The following ALG13 variants were observed in gnomAD, a reference collection of about 807,000 sequenced individuals.
The protein encoded by ALG13 is UDP-N-acetylglucosamine transferase subunit ALG13.
Under a neutral mutation model 87.8 loss-of-function variants are expected in ALG13, and 11 were observed. The ratio of observed to expected loss-of-function variants is 0.13; its 90% confidence interval spans 0.08 to 0.21. ALG13 has a LOEUF of 0.21. Among genes scored for constraint, ALG13 ranks in the 10% least tolerant of loss-of-function variants. The pLI, the probability that ALG13 is intolerant of heterozygous loss-of-function variation, is 1.00. For missense variants in ALG13, 756 were observed against 866.1 expected (o/e 0.87, Z 1.60); for synonymous variants, 320 against 306.3 (o/e 1.04, Z -0.47).
intron 24 of ALG13, among the ~76,000 whole-genome samples, chrX:111,749,849 T>G (rs1048449500): frequency 9.0e-6 from 1 of 111,730 alleles, no homozygotes; most frequent in Non-Finnish European, 1.9e-5. Flanking sequence ...TTTCACAGAG[T>G]GTTTTTAAAA....
Position 111,681,268 on chromosome X carries a change from T to C in ALG13, c.50T>C (p.Ile17Thr). The change falls in exon 1 of 27, where the codon ATT becomes ACT. Residue 17 changes from isoleucine to threonine, a missense_variant. Physicochemically the swap from Ile to Thr is moderately conservative, Grantham distance 89. Coordinates refer to ENST00000394780, the MANE Select transcript of ALG13 (RefSeq NM_001099922.3). ...TVGTTSFDDL[I>T]ACVSAPDSLQ... ...GGGACCACCAGCTTTGACGACCTCATTGCGTGTGTGTCGGCGCCCGACAGT... is the reference window on the plus strand; with the variant it reads ...GGGACCACCAGCTTTGACGACCTCACTGCGTGTGTGTCGGCGCCCGACAGT... 1.6e-6 allele frequency: 2 copies of C among 1,212,321 alleles called. No individual in the cohort carries two copies. Among genetic ancestry groups the C allele is most frequent in the Non-Finnish European group, 2.2e-6 (2 of 895,548 alleles).
In ALG13 at chrX:111,749,945, C is replaced by G. The variant is rs147356892; in HGVS notation, c.2933-2845C>G. Among the ~76,000 whole-genome samples, 522 of 111,581 alleles carry G rather than the reference C, an allele frequency of 4.7e-3. 4 individuals are homozygous for G. The highest frequency in any genetic ancestry group is 7.6e-3 in the Non-Finnish European group (403 of 53,134). On this transcript the variant is annotated intron_variant, in intron 24 of 26. Transcript: ENST00000394780. Reference sequence around the variant, plus strand: ...TAGCTTCTCCATTGGTCTCACTGCTCTGGTACTATTCCACTTTGTGTCTGT... The same window carrying G: ...TAGCTTCTCCATTGGTCTCACTGCTGTGGTACTATTCCACTTTGTGTCTGT...
At chrX:111,682,654 C>T (rs1366766690) in intron 2 of ALG13, among the ~76,000 whole-genome samples, 1 of 111,887 alleles carries the variant, frequency 8.9e-6, no homozygotes, top group Non-Finnish European at 1.9e-5. Context: ...TCCACCTTTA[C>T]AATAAAAAAC....
intron 5 of ALG13, among the ~76,000 whole-genome samples, chrX:111,710,817 C>A (rs1443166999): frequency 8.9e-6 from 1 of 111,777 alleles, no homozygotes; most frequent in African/African-American, 3.3e-5. Flanking sequence ...CTGCCTCAGC[C>A]TCCCAAGTAG....
At chrX:111,746,081 C>T (rs1035437753) in intron 24 of ALG13, among the ~76,000 whole-genome samples, 1 of 111,682 alleles carries the variant, frequency 9.0e-6, no homozygotes. Context: ...ATTAATCCAT[C>T]TTCTTTTTGA....
At chrX:111,685,337 G>C in intron 3 of ALG13, 1 of 332,701 alleles carries the variant, frequency 3.0e-6, no homozygotes, top group Non-Finnish European at 5.2e-6. Flanking sequence ...GAATATCTGA[G>C]AGAGTGTGTG....
Position 111,713,232 on chromosome X carries a change from T to G in ALG13, c.940T>G (p.Phe314Val), listed in dbSNP as rs1300758946. 8.4e-7 allele frequency: 1 copy of G among 1,192,951 alleles called. No individual in the cohort carries two copies. The highest frequency in any genetic ancestry group is 1.1e-6 in the Non-Finnish European group (1 of 881,398). Reference protein sequence around the residue: ...RALSLIYNRDFILYRFPGKPP... With the variant: ...RALSLIYNRDVILYRFPGKPP... ...TTTGTTTTCCCCATATAGTCGGGAT[T>G]TCATTCTTTATCGCTTTCCTGGAAA... is the stretch of plus-strand genomic sequence containing the variant. Residue 314 changes from phenylalanine to valine, a missense_variant, in exon 8 of 27, where the codon TTC becomes GTC. Coordinates refer to ENST00000394780, the MANE Select transcript of ALG13 (RefSeq NM_001099922.3).
At chrX:111,754,437 G>GAGAA (rs754310248) in intron 25 of ALG13, among the ~76,000 whole-genome samples, 3 of 111,595 alleles carry the variant, frequency 2.7e-5, no homozygotes, top group Admixed American at 9.6e-5. Context: ...AGTCAGGTAA[G>GAGAA]AGAAAGAAAG....
At chrX:111,698,943 C>G (rs1405974402) in intron 3 of ALG13, among the ~76,000 whole-genome samples, 1 of 111,399 alleles carries the variant, frequency 9.0e-6, no homozygotes, top group African/African-American at 3.3e-5. Context: ...ATACTGTTTT[C>G]TATAATGGCT....
rs139631003 is a variant in ALG13 at position 111,686,132 on chromosome X, A to G, written c.383+1029A>G. 1,262 of 1,116,505 alleles carry G rather than the reference A, an allele frequency of 1.1e-3. 5 individuals are homozygous for G. In the African/African-American group the frequency reaches 0.019, roughly 17 times the overall value. 92.0% of individuals were successfully genotyped at this position (1,116,505 alleles called of 1,213,427 possible). A position where few individuals can be genotyped will look rare whatever the true frequency, so the allele number is the denominator to read the frequency against. On this transcript the variant is annotated intron_variant, in intron 3 of 26. Coordinates refer to ENST00000394780, the MANE Select transcript of ALG13 (RefSeq NM_001099922.3). The stretch of plus-strand genomic sequence containing the variant: ...GAAGAAAATTACTTGTTTGTTTTCT[A>G]TTAGTTCTTCCTTGAGACACTAGAA...
intron 3 of ALG13, among the ~76,000 whole-genome samples, chrX:111,701,838 A>G (rs1336455925): frequency 1.8e-5 from 2 of 111,002 alleles, no homozygotes; most frequent in African/African-American, 6.5e-5. Context: ...TTTTTGTTAC[A>G]TCCTGTAAGT....
intron 15 of ALG13, among the ~76,000 whole-genome samples, chrX:111,726,253 T>TTTTTA (rs1293149630): frequency 2.1e-5 from 2 of 94,003 alleles, no homozygotes; most frequent in African/African-American, 9.5e-5. Context: ...TTTTTTTTTT[T>TTTTTA]GAGACAGTCT....
At chrX:111,685,870 T>C (rs1300513707) in intron 3 of ALG13, among the ~76,000 whole-genome samples, 1 of 111,786 alleles carries the variant, frequency 8.9e-6, no homozygotes, top group Non-Finnish European at 1.9e-5. Flanking sequence ...AGGAATGAAC[T>C]TGGAGCTTGG....
intron 3 of ALG13, among the ~76,000 whole-genome samples, chrX:111,702,822 G>A (rs1476930192): frequency 3.6e-5 from 4 of 110,080 alleles, no homozygotes; most frequent in African/African-American, 6.6e-5. Context: ...TCTGAGAAAG[G>A]GTGGCAACAT....
In ALG13 at chrX:111,689,552, T is replaced by G. The variant is rs1935761834; in HGVS notation, c.383+4449T>G. On this transcript the variant is annotated intron_variant, in intron 3 of 26. Transcript: ENST00000394780. ...GTTTAAGCCGTTGTTGTCAATTGTG[T>G]GCAGTAACGCCTCTGACTTCCCTTT... 6 of 752,062 alleles carry G rather than the reference T, an allele frequency of 8.0e-6. No individual in the cohort carries two copies. In the South Asian group the frequency reaches 4.1e-4, roughly 51 times the overall value. 62.0% of individuals were successfully genotyped at this position (752,062 alleles called of 1,213,427 possible). A position where few individuals can be genotyped will look rare whatever the true frequency, so the allele number is the denominator to read the frequency against.
intron 14 of ALG13, among the ~76,000 whole-genome samples, chrX:111,724,297 C>T (rs1941726998): frequency 8.9e-6 from 1 of 111,865 alleles, no homozygotes; most frequent in East Asian, 2.8e-4. Flanking sequence ...GATTAGTGAG[C>T]CCAGTCTCTA....
chrX:111,726,197 G>C (rs1037529262), intron 15 of ALG13, among the ~76,000 whole-genome samples: 1 of 106,794 alleles, frequency 9.4e-6, no homozygotes, highest in African/African-American at 3.4e-5. Context: ...TGCCCGCCTC[G>C]GCCTCCCAAA....
intron 2 of ALG13, among the ~76,000 whole-genome samples, chrX:111,684,671 C>G (rs1934474956): frequency 8.9e-6 from 1 of 111,803 alleles, no homozygotes. Flanking sequence ...AGGCTATACC[C>G]CATCGTAAGT....
chrX:111,758,649 G>A (rs994399284), intron 26 of ALG13, among the ~76,000 whole-genome samples: 1 of 112,088 alleles, frequency 8.9e-6, no homozygotes, highest in African/African-American at 3.2e-5. Flanking sequence ...TGTGATTTTT[G>A]TAACAGATCT....
Sources: allele counts gnomAD v4.1 joint callset (sites outside exome capture counted in the v4.1 genomes callset), GRCh38; gene constraint gnomAD v4.1.1; transcripts MANE v1.5; gene names NCBI Gene and HGNC (gene_info 2026-07-23, HGNC 2026-07-21).